Variants in MFNG observed in about 807,000 individuals in gnomAD.
The protein encoded by MFNG is beta-1,3-N-acetylglucosaminyltransferase manic fringe.
A neutral mutation model predicts 34.2 loss-of-function variants in MFNG; 24 were observed. The ratio of observed to expected loss-of-function variants is 0.70; its 90% confidence interval spans 0.51 to 0.99. MFNG has a LOEUF of 0.99. Ranked by LOEUF, MFNG falls within the 50% of genes least tolerant of loss-of-function variation. MFNG has a pLI of 0.00. For synonymous variants in MFNG, 158 were observed against 179.2 expected, an observed-to-expected ratio of 0.88 and a Z score of 0.94; for missense variants, 383 against 424.0, an observed-to-expected ratio of 0.90 and a Z score of 0.85.
chr22:37,471,276 T>C (rs931874564), intron 7 of MFNG, among the ~76,000 whole-genome samples: 2 of 152,168 alleles, frequency 1.3e-5, no homozygotes, highest in South Asian at 2.1e-4. Flanking sequence ...CCCAGACCCA[T>C]TGCATGTCAC....
At chr22:37,473,974 G>A (rs1026499152) in intron 6 of MFNG, among the ~76,000 whole-genome samples, 5 of 152,228 alleles carry the variant, frequency 3.3e-5, no homozygotes, top group African/African-American at 9.6e-5. Flanking sequence ...CAGGTGGTGG[G>A]ATGGGGTCCC....
chr22:37,470,114 G>T, intron 7 of MFNG, 85 bp from the exon 8 acceptor site: 2 of 1,074,450 alleles, frequency 1.9e-6, no homozygotes, highest in Non-Finnish European at 2.8e-6. Context: ...ATGCCACAGA[G>T]GCGGTTTGGA....
intron 3 of MFNG, 53 bp from the exon 4 acceptor site, chr22:37,479,551 GTC>G: frequency 6.2e-7 from 1 of 1,601,032 alleles, no homozygotes; most frequent in Non-Finnish European, 8.5e-7. Flanking sequence ...CCAAGCCAGG[GTC>G]CCCAAGCACC....
chr22:37,474,809 C>T, intron 5 of MFNG, 132 bp from the exon 6 acceptor site: 2 of 975,734 alleles, frequency 2.0e-6, no homozygotes, highest in South Asian at 3.6e-5. Context: ...ACTGTATGAC[C>T]TTGAGCAAGT....
Position 37,470,005 on chromosome 22 carries a change from G to A in MFNG, c.924C>T (p.Leu308=), listed in dbSNP as rs1423169173. 6.2e-7 allele frequency: 1 copy of A among 1,609,406 alleles called. No individual in the cohort carries two copies. Among genetic ancestry groups the A allele is most frequent in the East Asian group, 2.2e-5 (1 of 44,702 alleles). ...PSRFRSLHCL[L]YPDTPWCPQL... is the part of the protein sequence containing the mutation. ...GGGGACACCAGGGTGTATCTGGATA[G>A]AGCAGACAATGGAGGGAGCGAAATC... The change falls in exon 8 of 8, where the codon CTC becomes CTT. Residue 308 remains leucine (L), a synonymous_variant. Coordinates refer to ENST00000356998, the MANE Select transcript of MFNG (RefSeq NM_002405.4).
chr22:37,480,443 G>C, intron 2 of MFNG, 144 bp from the exon 3 acceptor site: 1 of 699,994 alleles, frequency 1.4e-6, no homozygotes, highest in Non-Finnish European at 2.4e-6. Context: ...ACTGAGACCC[G>C]GGGAAGGCAG....
In MFNG at chr22:37,476,879, C is replaced by T; in HGVS notation, c.647+17G>A. 1 of 1,611,838 alleles carries T rather than the reference C, an allele frequency of 6.2e-7. No homozygotes were observed. Among genetic ancestry groups the T allele is most frequent in the Non-Finnish European group, 8.5e-7 (1 of 1,178,160 alleles). The stretch of plus-strand genomic sequence containing the variant: ...CCCCCTCCCCGCCTTCCTGCCCACC[C>T]CTGGGTCTCTGCTTACCTGGCCCAC... On this transcript the variant is annotated intron_variant, in intron 5 of 7. Coordinates refer to ENST00000356998, the MANE Select transcript of MFNG (RefSeq NM_002405.4).
intron 6 of MFNG, chr22:37,472,749 G>A: frequency 2.2e-6 from 1 of 463,578 alleles, no homozygotes. Flanking sequence ...CTCAAGAGTT[G>A]AGCTCCCCTG....
At chr22:37,475,212 A>ATTTGTTTG (rs535395395) in intron 5 of MFNG, among the ~76,000 whole-genome samples, 1 of 151,718 alleles carries the variant, frequency 6.6e-6, no homozygotes, top group African/African-American at 2.4e-5. Context: ...TTGTGTGTTC[A>ATTTGTTTG]TTTGTTTGTT....
intron 7 of MFNG, among the ~76,000 whole-genome samples, chr22:37,471,948 G>A (rs1200564188): frequency 6.6e-6 from 1 of 151,974 alleles, no homozygotes; most frequent in Non-Finnish European, 1.5e-5. Flanking sequence ...AGCGGATTTG[G>A]GTGGCCCATC....
rs1217632836 is a variant in MFNG, at chr22:37,485,451, A to C, written c.255+472T>G. 1.3e-5 allele frequency among the ~76,000 whole-genome samples: 2 copies of C among 152,166 alleles called. No individual in the cohort carries two copies. Among genetic ancestry groups the C allele is most frequent in the East Asian group, 3.9e-4 (2 of 5,176 alleles). ...CATTCTCCTCCCGTCCTCCACCCTCAGAGCCCGGGCAGGACAGCACCTAGG... is the reference window on the plus strand; with the variant it reads ...CATTCTCCTCCCGTCCTCCACCCTCCGAGCCCGGGCAGGACAGCACCTAGG... On this transcript the variant is annotated intron_variant, in intron 1 of 7. Transcript: ENST00000356998. This position sits in a 1 kb window ranked among gnomAD's most constrained non-coding sequence, Gnocchi z 5.3.
At chr22:37,480,335 A>AG in intron 2 of MFNG, 36 bp from the exon 3 acceptor site, 4 of 1,521,428 alleles carry the variant, frequency 2.6e-6, no homozygotes, top group Non-Finnish European at 3.6e-6. Context: ...GACCCTGCCC[A>AG]GGTCCCCCCT....
At chr22:37,480,829 C>A in intron 1 of MFNG, 60 bp from the exon 2 acceptor site, 2 of 1,438,048 alleles carry the variant, frequency 1.4e-6, no homozygotes, top group African/African-American at 1.4e-5. Flanking sequence ...CCAGACCAAT[C>A]CACAGCCCAC....
intron 3 of MFNG, among the ~76,000 whole-genome samples, chr22:37,479,891 C>A (rs1164153869): frequency 6.6e-6 from 1 of 152,136 alleles, no homozygotes. Flanking sequence ...GTCATCCCAG[C>A]TACTTGGGAG....
In MFNG at chr22:37,479,386, G is replaced by A. The variant is rs143142978; in HGVS notation, c.520C>T (p.Arg174Trp). Residue 174 changes from arginine to tryptophan, a missense_variant, in exon 4 of 8, where the codon CGG becomes TGG. Transcript: ENST00000356998. ...DVYVGRPSLNRPIHASEPQPH... is the reference protein window; with the variant it reads ...DVYVGRPSLNWPIHASEPQPH... ...TGTGGCTCTGAGGCATGGATGGGCC[G>A]GTTCAGGCTGGGCCTTCCCACATAG... 2.4e-5 allele frequency: 38 copies of A among 1,605,828 alleles called. No homozygotes were observed. The African/African-American group carries it at 3.5e-4, about 15-fold the overall frequency.
In MFNG at chr22:37,486,289, G is replaced by C; in HGVS notation, c.-112C>G. On this transcript the variant is annotated 5_prime_UTR_variant, in exon 1 of 8. Coordinates refer to ENST00000356998, the MANE Select transcript of MFNG (RefSeq NM_002405.4). ...AGGCAAAAGTCTGGCAGGCATCAGG[G>C]GCTGGCAAGGAGGGAAGAGGTAGGA... is the stretch of plus-strand genomic sequence containing the variant. 2 of 1,263,738 alleles carry C rather than the reference G, an allele frequency of 1.6e-6. No individual in the cohort carries two copies. Among genetic ancestry groups the C allele is most frequent in the Non-Finnish European group, 2.1e-6 (2 of 952,992 alleles). 78.3% of individuals were successfully genotyped at this position (1,263,738 alleles called of 1,614,324 possible). A position where few individuals can be genotyped will look rare whatever the true frequency, so the allele number is the denominator to read the frequency against.
At chr22:37,474,042 G>A (rs1013749584) in intron 6 of MFNG, among the ~76,000 whole-genome samples, 2 of 152,226 alleles carry the variant, frequency 1.3e-5, no homozygotes, top group South Asian at 2.1e-4. Context: ...ATTCCATCCC[G>A]GTAACCTCAG....
At chr22:37,470,360 G>A (rs898834584) in intron 7 of MFNG, among the ~76,000 whole-genome samples, 13 of 152,184 alleles carry the variant, frequency 8.5e-5, no homozygotes, top group Admixed American at 8.5e-4. Flanking sequence ...TCAAAAGCCA[G>A]AGAAGCCATA....
rs1344918031 is a variant in MFNG at position 37,474,604 on chromosome 22, A to T, written c.721T>A (p.Cys241Ser). ...DDCTMGYIIE[C>S]KLGGRLQPSP... ...GGCTGCAGGCGGCCGCCCAGCTTGC[A>T]CTCAATGATATAGCCCATGGTGCAG... Residue 241 changes from cysteine to serine, a missense_variant, in exon 6 of 8, where the codon TGC becomes AGC. Physicochemically the swap from Cys to Ser is moderately radical, Grantham distance 112 (BLOSUM62 -1). Coordinates refer to ENST00000356998, the MANE Select transcript of MFNG (RefSeq NM_002405.4). 15 of 1,614,058 alleles carry T rather than the reference A, an allele frequency of 9.3e-6. No individual in the cohort carries two copies. The highest frequency in any genetic ancestry group is 1.3e-5 in the Non-Finnish European group (15 of 1,179,976).
Sources: allele counts gnomAD v4.1 joint callset (sites outside exome capture counted in the v4.1 genomes callset), GRCh38; gene constraint gnomAD v4.1.1; non-coding constraint Gnocchi (gnomAD v3.1); transcripts MANE v1.5; gene names NCBI Gene and HGNC (gene_info 2026-07-23, HGNC 2026-07-21).